The following RGS12 variants were observed in gnomAD, a reference collection of about 807,000 sequenced individuals.
RGS12 encodes the protein regulator of G-protein signaling 12.
A neutral mutation model predicts 120.1 loss-of-function variants in RGS12; 66 were observed. That is an observed-to-expected ratio of 0.55 (90% confidence interval 0.45 to 0.67). RGS12 has a LOEUF of 0.67. Ranked by LOEUF, RGS12 falls within the 30% of genes least tolerant of loss-of-function variation. The pLI, the probability that RGS12 is intolerant of heterozygous loss-of-function variation, is 0.00. For synonymous variants in RGS12, 827 were observed against 804.7 expected, an observed-to-expected ratio of 1.03 and a Z score of -0.47; for missense variants, 1,859 against 1,957.7, an observed-to-expected ratio of 0.95 and a Z score of 0.95.
intron 4 of RGS12, among the ~76,000 whole-genome samples, chr4:3,392,566 T>G (rs1223883612): frequency 6.6e-6 from 1 of 152,242 alleles, no homozygotes; most frequent in Non-Finnish European, 1.5e-5. Context: ...GATATACAGC[T>G]CATTCCCTCC....
chr4:3,439,396 G>A, intron 17 of RGS12, 59 bp from the exon 18 acceptor site: 2 of 1,566,992 alleles, frequency 1.3e-6, no homozygotes, highest in East Asian at 2.2e-5. Context: ...GTAGGGGGTG[G>A]GTTCCGGGGG....
chr4:3,437,834 A>G (rs1248249513), intron 17 of RGS12, among the ~76,000 whole-genome samples: 1 of 152,152 alleles, frequency 6.6e-6, no homozygotes, highest in Non-Finnish European at 1.5e-5. Flanking sequence ...GACCTGTTCA[A>G]GAGAACGGGC....
intron 2 of RGS12, among the ~76,000 whole-genome samples, chr4:3,340,384 C>T (rs781118617): frequency 3.9e-5 from 6 of 152,200 alleles, no homozygotes; most frequent in Admixed American, 2.6e-4. Context: ...GGAGAGAGGA[C>T]GCTGGGGAGT....
chr4:3,303,526 A>T (rs1305315823), intron 1 of RGS12, among the ~76,000 whole-genome samples: 4 of 151,876 alleles, frequency 2.6e-5, no homozygotes, highest in Non-Finnish European at 4.4e-5. Flanking sequence ...TCCTTGGAGG[A>T]TCCTGCAGAG....
intron 2 of RGS12, among the ~76,000 whole-genome samples, chr4:3,328,640 T>C (rs553611067): frequency 1.6e-4 from 24 of 152,336 alleles, no homozygotes; most frequent in South Asian, 6.2e-4. Context: ...CGACTATATA[T>C]ACATACACAC....
rs140651844 is a variant in RGS12 at position 3,416,082 on chromosome 4, C to T, written c.2388C>T (p.Arg796=). Residue 796 remains arginine (R), a synonymous_variant, in exon 7 of 18, where the codon CGC becomes CGT. Transcript: ENST00000336727. ...CCCAGCTAGCAGACGACGTCCTCCG[C>T]GCACCTCACCCAGACATGTTCAAGG... ...SQAQLADDVL[R]APHPDMFKEQ... 3.3e-4 allele frequency: 533 copies of T among 1,614,136 alleles called. 3 individuals are homozygous for T. Among genetic ancestry groups the T allele is most frequent in the South Asian group, 2.4e-3 (216 of 91,080 alleles).
chr4:3,291,558 GGT>G (rs1218320974), upstream of RGS12, among the ~76,000 whole-genome samples: 3 of 152,118 alleles, frequency 2.0e-5, no homozygotes, highest in Admixed American at 1.3e-4. Context: ...TCTTGCCCAG[GGT>G]GGTCTCGAAC....
intron 3 of RGS12, among the ~76,000 whole-genome samples, chr4:3,382,533 G>GGCTT (rs1718368762): frequency 6.6e-6 from 1 of 152,214 alleles, no homozygotes; most frequent in Non-Finnish European, 1.5e-5. Flanking sequence ...AAGTCTTGCT[G>GGCTT]GCTTGCATTA....
At chr4:3,343,229 A>G in intron 3 of RGS12, 176 bp downstream of exon 3, 1 of 567,886 alleles carries the variant, frequency 1.8e-6, no homozygotes, top group South Asian at 2.1e-5. Context: ...GAACCTTTCT[A>G]CCCTGCAATG....
Position 3,342,919 on chromosome 4 carries a change from T to G in RGS12, c.1882-18T>G, listed in dbSNP as rs749151217. 2 of 1,562,556 alleles carry G rather than the reference T, an allele frequency of 1.3e-6. No individual in the cohort carries two copies. Among genetic ancestry groups the G allele is most frequent in the South Asian group, 2.2e-5 (2 of 89,842 alleles). On this transcript the variant is annotated intron_variant, in intron 2 of 17. Coordinates refer to ENST00000336727, the MANE Select transcript of RGS12 (RefSeq NM_001394154.1). The stretch of plus-strand genomic sequence containing the variant: ...CTTTGCAAAAGAATAACCTGATGCC[T>G]TTTTTCTTCGTGTTTAGGGCTCAAA...
At chr4:3,329,180 C>G (rs1444111460) in intron 2 of RGS12, among the ~76,000 whole-genome samples, 1 of 152,118 alleles carries the variant, frequency 6.6e-6, no homozygotes, top group Non-Finnish European at 1.5e-5. Context: ...TTGGAGAGCA[C>G]CAGGGGGTCA....
At chr4:3,320,567 TG>T (rs986148517) in intron 2 of RGS12, among the ~76,000 whole-genome samples, 1 of 152,206 alleles carries the variant, frequency 6.6e-6, no homozygotes, top group African/African-American at 2.4e-5. Context: ...GCGCTCCGTG[TG>T]GGATTTGGAG....
intron 3 of RGS12, among the ~76,000 whole-genome samples, chr4:3,379,616 G>C (rs567471699): frequency 2.4e-4 from 36 of 152,264 alleles, no homozygotes; most frequent in African/African-American, 8.4e-4. Flanking sequence ...CATGGCTGGG[G>C]AGGCCTCAGG....
At chr4:3,341,154 C>G (rs1277399143) in intron 2 of RGS12, among the ~76,000 whole-genome samples, 1 of 145,688 alleles carries the variant, frequency 6.9e-6, no homozygotes, top group Non-Finnish European at 1.5e-5. Context: ...CCCCTCTGCC[C>G]GTCTTTAGGG....
chr4:3,317,299 G>A lies in RGS12; in HGVS notation c.1129G>A (p.Ala377Thr), dbSNP rs1206461793. 1.9e-6 allele frequency: 3 copies of A among 1,614,028 alleles called. No individual in the cohort carries two copies. The highest frequency in any genetic ancestry group is 2.5e-6 in the Non-Finnish European group (3 of 1,180,054). The change falls in exon 2 of 18, where the codon GCG (alanine) becomes ACG (threonine). Residue 377 changes from alanine to threonine, a missense_variant. By Grantham distance (58) the Ala-to-Thr change is moderately conservative (BLOSUM62 0). Transcript: ENST00000336727. ...PDTNGCLEFP[A>T]SSLPVLQFIS... ...CACCAATGGCTGTCTGGAATTCCCG[G>A]CGTCCTCCCTCCCCGTCCTGCAGTT...
chr4:3,400,358 C>T (rs1720454260), intron 4 of RGS12, among the ~76,000 whole-genome samples: 1 of 152,144 alleles, frequency 6.6e-6, no homozygotes, highest in African/African-American at 2.4e-5. Flanking sequence ...CCATTCATCC[C>T]ACCATTCATT....
chr4:3,422,647 T>C (rs749730127), intron 11 of RGS12, 77 bp downstream of exon 11: 17 of 1,468,864 alleles, frequency 1.2e-5, no homozygotes, highest in Non-Finnish European at 1.5e-5. Context: ...TTTGTCAGAG[T>C]CCTCAGGCTG....
In RGS12 at chr4:3,342,953, G is replaced by C. The variant is rs61748736; in HGVS notation, c.1898G>C (p.Arg633Pro). The C allele has an allele frequency of 6.8e-6, 11 of 1,613,260 alleles. No individual in the cohort carries two copies. The African/African-American group carries it at 9.4e-5, about 14-fold the overall frequency. Residue 633 changes from arginine to proline, a missense_variant, in exon 3 of 18, where the codon CGG becomes CCG. By Grantham distance (103) the Arg-to-Pro change is moderately radical (BLOSUM62 -2). Transcript: ENST00000336727. ...KEDKKGSKFG[R>P]GTGLTQPSQR... ...CGTGTTTAGGGCTCAAAATTTGGGC[G>C]GGGAACTGGACTCACTCAGCCTTCT...
At chr4:3,288,204 G>A (rs1578651745), upstream of RGS12, among the ~76,000 whole-genome samples, 3 of 152,252 alleles carry the variant, frequency 2.0e-5, no homozygotes, top group Non-Finnish European at 4.4e-5. This position sits in a 1 kb window ranked among gnomAD's most constrained non-coding sequence, Gnocchi z 5.2. Context: ...GCGGGTGTGT[G>A]GGGTCTGGTG....
Sources: gnomAD v4.1 joint callset for allele counts (sites outside exome capture counted in the v4.1 genomes callset) on GRCh38, gnomAD v4.1.1 for gene constraint, Gnocchi (gnomAD v3.1) non-coding constraint, MANE v1.5 for transcripts, NCBI Gene and HGNC (gene_info 2026-07-23, HGNC 2026-07-21) for gene names.